DLGAP5: variants seen among roughly 807,000 people sequenced by gnomAD.
DLGAP5 encodes the protein disks large-associated protein 5.
Under a neutral mutation model 99.6 loss-of-function variants are expected in DLGAP5, and 90 were observed. The ratio of observed to expected loss-of-function variants is 0.90; its 90% CI spans 0.76 to 1.08. The LOEUF (loss-of-function observed/expected upper bound fraction) is 1.08. Among genes scored for constraint, DLGAP5 ranks in the 50% least tolerant of loss-of-function variants. The pLI is 0.00. For missense variants in DLGAP5, 1,036 were observed against 983.5 expected (o/e 1.05, Z -0.71); for synonymous variants, 311 against 321.3 (o/e 0.97, Z 0.34).
intron 4 of DLGAP5, among the ~76,000 whole-genome samples, chr14:55,181,563 C>T (rs576169749): frequency 6.6e-6 from 1 of 152,308 alleles, no homozygotes; most frequent in East Asian, 1.9e-4. Flanking sequence ...AACTTGCCTT[C>T]TGAAGGTCCT....
intron 1 of DLGAP5, among the ~76,000 whole-genome samples, chr14:55,190,310 ACACACG>A (rs1270963806): frequency 1.3e-5 from 2 of 151,994 alleles, no homozygotes; most frequent in Non-Finnish European, 2.9e-5. Flanking sequence ...ACACACACAC[ACACACG>A]CACAAAATCA....
chr14:55,187,217 T>G (rs1883461471), intron 2 of DLGAP5, among the ~76,000 whole-genome samples: 1 of 152,180 alleles, frequency 6.6e-6, no homozygotes, highest in Non-Finnish European at 1.5e-5. Context: ...CTTTTAATAC[T>G]TTAGTATCAA....
At position 55,180,785 on chromosome 14, in the gene DLGAP5, G is replaced by GAAAA; in HGVS notation, c.581-11_581-8dup. 1 of 1,594,648 alleles carries GAAAA rather than the reference G, an allele frequency of 6.3e-7. No individual in the cohort carries two copies. Reference sequence around the variant, plus strand: ...GGCATTACAGGCTGCACAACTGTGGGAAAAAAAAATAACTACATCAAATGT... The same window carrying GAAAA: ...GGCATTACAGGCTGCACAACTGTGGGAAAAAAAAAAAAATAACTACATCAAATGT... On this transcript the variant is annotated splice_region_variant and splice_polypyrimidine_tract_variant and intron_variant, in intron 5 of 18. Coordinates refer to ENST00000247191, the MANE Select transcript of DLGAP5 (RefSeq NM_014750.5).
intron 6 of DLGAP5, 29 bp from the exon 7 acceptor site, chr14:55,179,728 C>T: frequency 6.4e-7 from 1 of 1,561,972 alleles, no homozygotes; most frequent in East Asian, 2.3e-5. Flanking sequence ...ATTTATTTTA[C>T]TAGATAGAAA....
chr14:55,151,851 T>G lies in DLGAP5; in HGVS notation c.2212A>C (p.Asn738His). ...LLAGGVADDI[N>H]TNKKEGISDV... ...GAAATTCCTTCTTTTTTGTTAGTAT[T>G]AATATCATCTGCTACTCCACCAGCA... Residue 738 changes from asparagine to histidine, a missense_variant, in exon 17 of 19, where the codon AAT (asparagine) becomes CAT (histidine). Transcript: ENST00000247191. The G allele has an allele frequency of 6.2e-7, 1 of 1,614,018 alleles. No individual in the cohort carries two copies. The highest frequency in any genetic ancestry group is 8.5e-7 in the Non-Finnish European group (1 of 1,179,962).
chr14:55,177,837 C>A (rs1040850033), intron 7 of DLGAP5, among the ~76,000 whole-genome samples: 1 of 151,598 alleles, frequency 6.6e-6, no homozygotes, highest in East Asian at 2.0e-4. Flanking sequence ...GCACCCACCC[C>A]GAACCAATTC....
chr14:55,188,826 A>T (rs2139541623), intron 2 of DLGAP5, 116 bp downstream of exon 2: 1 of 657,378 alleles, frequency 1.5e-6, no homozygotes. Context: ...AAGGAAAGTT[A>T]TTTATAGAAT....
At chr14:55,178,619 C>A (rs1298531375) in intron 7 of DLGAP5, among the ~76,000 whole-genome samples, 1 of 152,182 alleles carries the variant, frequency 6.6e-6, no homozygotes, top group African/African-American at 2.4e-5. Flanking sequence ...AAGGGTTAAT[C>A]TTAAGGGGGG....
At chr14:55,171,387 CACA>C (rs1272830202) in intron 10 of DLGAP5, among the ~76,000 whole-genome samples, 2 of 152,030 alleles carry the variant, frequency 1.3e-5, no homozygotes, top group African/African-American at 2.4e-5. Flanking sequence ...GATATATACC[CACA>C]ACAAGTATAC....
chr14:55,177,558 T>G (rs1883120431), intron 7 of DLGAP5, among the ~76,000 whole-genome samples: 1 of 150,480 alleles, frequency 6.6e-6, no homozygotes. Flanking sequence ...TTTTTTTTGA[T>G]ACGGAGTAGC....
chr14:55,179,584 G>A, intron 7 of DLGAP5, 45 bp downstream of exon 7: 1 of 1,498,194 alleles, frequency 6.7e-7, no homozygotes, highest in South Asian at 1.2e-5. Flanking sequence ...AAGTAGCAAT[G>A]AGATTTTCAA....
chr14:55,156,785 A>G (rs1189018962), intron 14 of DLGAP5, among the ~76,000 whole-genome samples: 1 of 152,258 alleles, frequency 6.6e-6, no homozygotes, highest in Non-Finnish European at 1.5e-5. Context: ...AAAAGCTATC[A>G]TTAATATCCT....
chr14:55,154,661 A>G lies in DLGAP5; in HGVS notation c.2019T>C (p.Ser673=), dbSNP rs61738578. Residue 673 remains serine, a synonymous_variant, in exon 15 of 19, where the codon AGT becomes AGC. Transcript: ENST00000247191. ...AAAACAAAGTCTTCTTCACATGTTC[A>G]CTTTTCGTATTCTGAGGACCGGCAT... ...PENAGPQNTK[S]EHVKKTLFLS... 1 of 1,614,106 alleles carries G rather than the reference A, an allele frequency of 6.2e-7. No homozygotes were observed. Among genetic ancestry groups the G allele is most frequent in the Non-Finnish European group, 8.5e-7 (1 of 1,180,004 alleles).
chr14:55,187,243 A>G (rs980154360), intron 2 of DLGAP5, among the ~76,000 whole-genome samples: 4 of 151,420 alleles, frequency 2.6e-5, no homozygotes, highest in African/African-American at 4.9e-5. Flanking sequence ...TTATTGCAGT[A>G]GTCTACTTAC....
intron 3 of DLGAP5, 102 bp from the exon 4 acceptor site, chr14:55,182,534 A>G: frequency 2.2e-6 from 2 of 908,280 alleles, no homozygotes; most frequent in African/African-American, 3.4e-5. Flanking sequence ...GTTAAATTTT[A>G]TCCTTAATCT....
At chr14:55,154,378 T>C (rs776942891) in intron 15 of DLGAP5, among the ~76,000 whole-genome samples, 1 of 152,230 alleles carries the variant, frequency 6.6e-6, no homozygotes, top group African/African-American at 2.4e-5. Context: ...AAGGATACCA[T>C]ATTGCTTCTT....
chr14:55,158,163 GA>G lies in DLGAP5; in HGVS notation c.1873+358del, dbSNP rs150211847. Among the ~76,000 whole-genome samples, 740 of 152,284 alleles carry G rather than the reference GA, an allele frequency of 4.9e-3. 5 individuals carry two copies. Among genetic ancestry groups the G allele is most frequent in the African/African-American group, 0.017 (689 of 41,556 alleles). ...TAACCAAACTTCTAACTGACCTGAA[GA>G]AAATCAGTTTACTTCTTCATGCTTC... On this transcript the variant is annotated intron_variant, in intron 14 of 18. Transcript: ENST00000247191.
At chr14:55,175,221 T>G (rs1248223872) in intron 10 of DLGAP5, 125 bp downstream of exon 10, 2 of 780,014 alleles carry the variant, frequency 2.6e-6, no homozygotes, top group African/African-American at 3.7e-5. Context: ...ATAATTAAAA[T>G]TTAAACGTGA....
At chr14:55,187,044 G>A (rs1883456762) in intron 2 of DLGAP5, among the ~76,000 whole-genome samples, 1 of 152,028 alleles carries the variant, frequency 6.6e-6, no homozygotes, top group African/African-American at 2.4e-5. Flanking sequence ...AAGTAGCTGG[G>A]ACTACAGGCA....
Sources: gnomAD v4.1 joint callset for allele counts (sites outside exome capture counted in the v4.1 genomes callset) on GRCh38, gnomAD v4.1.1 for gene constraint, MANE v1.5 for transcripts, NCBI Gene and HGNC (gene_info 2026-07-23, HGNC 2026-07-21) for gene names.